Variants in DGKG observed in about 807,000 individuals in gnomAD.
DGKG encodes diacylglycerol kinase gamma, also known as DAG kinase gamma.
A neutral mutation model predicts 105.3 loss-of-function variants in DGKG; 78 were observed. That is an observed-to-expected ratio of 0.74 (90% CI 0.62 to 0.89). The LOEUF (loss-of-function observed/expected upper bound fraction) is 0.89. Among genes scored for constraint, DGKG ranks in the 40% least tolerant of loss-of-function variants. The probability of loss-of-function intolerance (pLI) is 0.00; values close to 1 mark genes in which losing one functional copy is unlikely to be tolerated. For missense variants in DGKG, 958 were observed against 1,020.1 expected, an observed-to-expected ratio of 0.94 and a Z score of 0.83; for synonymous variants, 346 against 367.1, an observed-to-expected ratio of 0.94 and a Z score of 0.66.
intron 3 of DGKG, among the ~76,000 whole-genome samples, chr3:186,304,651 G>A (rs1030980357): frequency 6.6e-6 from 1 of 152,216 alleles, no homozygotes; most frequent in African/African-American, 2.4e-5. Context: ...GGATGGAAGA[G>A]GGATAATAAT....
chr3:186,227,044 A>C (rs1454291613), intron 20 of DGKG, among the ~76,000 whole-genome samples: 2 of 152,184 alleles, frequency 1.3e-5, no homozygotes, highest in African/African-American at 2.4e-5. Context: ...ACAGTCTTCA[A>C]AGTAGAGATT....
intron 14 of DGKG, among the ~76,000 whole-genome samples, chr3:186,264,485 A>G (rs1721948711): frequency 6.6e-6 from 1 of 152,192 alleles, no homozygotes; most frequent in Non-Finnish European, 1.5e-5. Context: ...TCTGGTCTCG[A>G]ACTTCTGACC....
chr3:186,316,012 A>G (rs997145901), intron 2 of DGKG, among the ~76,000 whole-genome samples: 3 of 152,286 alleles, frequency 2.0e-5, no homozygotes, highest in Non-Finnish European at 2.9e-5. Context: ...CTGAAAAGAA[A>G]GGACATATGG....
chr3:186,162,676 A>G (rs1233031598), intron 23 of DGKG, among the ~76,000 whole-genome samples: 4 of 151,724 alleles, frequency 2.6e-5, no homozygotes, highest in African/African-American at 9.7e-5. Context: ...AGTAACTGGG[A>G]CTATAGGTGC....
chr3:186,233,293 G>A (rs1164814850), intron 20 of DGKG, among the ~76,000 whole-genome samples: 2 of 152,154 alleles, frequency 1.3e-5, no homozygotes, highest in Non-Finnish European at 2.9e-5. Context: ...GGCCACTGCT[G>A]GCTTCAACAA....
chr3:186,279,737 T>C (rs1722744747), intron 9 of DGKG, 114 bp downstream of exon 9: 1 of 1,264,144 alleles, frequency 7.9e-7, no homozygotes, highest in Non-Finnish European at 1.1e-6. Flanking sequence ...GGGCTGGTCA[T>C]GGCACGTCTG....
Position 186,320,746 on chromosome 3 carries a change from T to TA in DGKG, c.-248-40dup, listed in dbSNP as rs370123965. 2,005 of 301,982 alleles carry TA rather than the reference T, an allele frequency of 6.6e-3. 3 individuals carry two copies. Among genetic ancestry groups the TA allele is most frequent in the African/African-American group, 0.012 (532 of 45,504 alleles). 18.7% of individuals were successfully genotyped at this position (301,982 alleles called of 1,614,324 possible). ...GAAAAGACATTGTAAATGAGAATGT[T>TA]AAAAAAAAAAGGCCCCAAATGTTCT... On this transcript the variant is annotated intron_variant, in intron 1 of 24. Coordinates refer to ENST00000265022, the MANE Select transcript of DGKG (RefSeq NM_001346.3).
intron 20 of DGKG, among the ~76,000 whole-genome samples, chr3:186,224,811 T>A (rs1719773147): frequency 7.3e-6 from 1 of 136,316 alleles, no homozygotes; most frequent in African/African-American, 2.7e-5. Flanking sequence ...CTTTAATACA[T>A]GCTGGAAGAA....
intron 22 of DGKG, among the ~76,000 whole-genome samples, chr3:186,172,173 A>G (rs1268100428): frequency 6.6e-6 from 1 of 152,136 alleles, no homozygotes; most frequent in East Asian, 1.9e-4. Flanking sequence ...CATTAGTGAA[A>G]ATTCAATCAA....
rs139964984 is a variant in DGKG at position 186,264,661 on chromosome 3, C to T, written c.1269+586G>A. 2.9e-3 allele frequency among the ~76,000 whole-genome samples: 448 copies of T among 152,256 alleles called. 2 individuals are homozygous for T. Among genetic ancestry groups the T allele is most frequent in the African/African-American group, 9.1e-3 (378 of 41,550 alleles). ...CAGGGATTACTGTGTCTCCTTTGAG[C>T]GGAGGAAACTTAAGGCTCAGAGGCA... On this transcript the variant is annotated intron_variant, in intron 14 of 24. Transcript: ENST00000265022.
intron 7 of DGKG, among the ~76,000 whole-genome samples, chr3:186,282,877 G>T (rs983731756): frequency 6.6e-6 from 1 of 151,564 alleles, no homozygotes; most frequent in African/African-American, 2.4e-5. Context: ...ATCGTCAATG[G>T]TTCTCCATTT....
chr3:186,306,873 T>C, intron 3 of DGKG, 28 bp downstream of exon 3: 1 of 1,529,250 alleles, frequency 6.5e-7, no homozygotes, highest in Non-Finnish European at 9.0e-7. Flanking sequence ...CAGGGGTTTT[T>C]AAAGGCTTAA....
chr3:186,199,595 C>T (rs1718350443), intron 21 of DGKG, among the ~76,000 whole-genome samples: 1 of 152,042 alleles, frequency 6.6e-6, no homozygotes, highest in East Asian at 1.9e-4. Flanking sequence ...TCACTGCAAC[C>T]TCCGCCTCCT....
In DGKG at chr3:186,331,092, C is replaced by T. The variant is rs566954089; in HGVS notation, c.-248-10385G>A. Among the ~76,000 whole-genome samples, 5 of 152,344 alleles carry T rather than the reference C, an allele frequency of 3.3e-5. No homozygotes were observed. In the East Asian group the frequency reaches 9.6e-4, roughly 29 times the overall value. Reference sequence around the variant, plus strand: ...ATACCTTCGATGCAAATATGTATCACTGCCTGCTGTAGGGTTAGCCAAATA... The same window carrying T: ...ATACCTTCGATGCAAATATGTATCATTGCCTGCTGTAGGGTTAGCCAAATA... On this transcript the variant is annotated intron_variant, in intron 1 of 24. Coordinates refer to ENST00000265022, the MANE Select transcript of DGKG (RefSeq NM_001346.3).
intron 3 of DGKG, among the ~76,000 whole-genome samples, chr3:186,302,015 C>T (rs1723945330): frequency 6.6e-6 from 1 of 152,206 alleles, no homozygotes. Context: ...GCTTCCATCT[C>T]TACATGTTCA....
At position 186,235,043 on chromosome 3, in the gene DGKG, A is replaced by G. The variant is rs142506876; in HGVS notation, c.1826+7461T>C. ...TGTGTAACGTTGAGCACCTGATGAAAAAAACATGAACCCATATTTCATTCA... is the reference window on the plus strand; with the variant it reads ...TGTGTAACGTTGAGCACCTGATGAAGAAAACATGAACCCATATTTCATTCA... On this transcript the variant is annotated intron_variant, in intron 20 of 24. Transcript: ENST00000265022. 2.0e-4 allele frequency among the ~76,000 whole-genome samples: 30 copies of G among 152,344 alleles called. 1 individual carries two copies. In the East Asian group the frequency reaches 5.6e-3, roughly 28 times the overall value.
At chr3:186,245,011 GAAAA>G (rs34844531) in intron 19 of DGKG, among the ~76,000 whole-genome samples, 2 of 150,714 alleles carry the variant, frequency 1.3e-5, no homozygotes, top group East Asian at 3.9e-4. Context: ...CGTCTGTCAG[GAAAA>G]AAAAAGTGGA....
At chr3:186,235,291 G>GGCTTTTC (rs1172880813) in intron 20 of DGKG, among the ~76,000 whole-genome samples, 1 of 152,030 alleles carries the variant, frequency 6.6e-6, no homozygotes, top group Non-Finnish European at 1.5e-5. Flanking sequence ...TTTCATTTGG[G>GGCTTTTC]GCTTTTCTGA....
intron 22 of DGKG, among the ~76,000 whole-genome samples, chr3:186,180,416 C>T (rs1717303914): frequency 6.6e-6 from 1 of 152,136 alleles, no homozygotes; most frequent in Admixed American, 6.5e-5. Flanking sequence ...GGTTACTCCC[C>T]AGAGCTAAGA....
Sources: allele counts gnomAD v4.1 joint callset (sites outside exome capture counted in the v4.1 genomes callset), GRCh38; gene constraint gnomAD v4.1.1; transcripts MANE v1.5; gene names NCBI Gene and HGNC (gene_info 2026-07-23, HGNC 2026-07-21).